The following PCYT1A variants were observed in gnomAD, a reference collection of about 807,000 sequenced individuals.
PCYT1A encodes choline-phosphate cytidylyltransferase A.
In PCYT1A, 25 loss-of-function variants were observed where a neutral mutation model predicts 43.7. The ratio of observed to expected loss-of-function variants is 0.57; its 90% CI spans 0.42 to 0.80. The LOEUF (loss-of-function observed/expected upper bound fraction) is 0.80. Ranked by LOEUF, PCYT1A falls within the 30% of genes least tolerant of loss-of-function variation. The pLI is 0.00. For synonymous variants in PCYT1A, 172 were observed against 170.7 expected, an observed-to-expected ratio of 1.01 and a Z score of -0.06; for missense variants, 421 against 474.2, an observed-to-expected ratio of 0.89 and a Z score of 1.04.
chr3:196,268,831 T>C lies in PCYT1A; in HGVS notation c.117+1584A>G, dbSNP rs1388013672. ...TAAAAATAAATAAAAATAAAAATAGTAAAGAGGCTTTGCAGATATGATTAA... is the reference window on the plus strand; with the variant it reads ...TAAAAATAAATAAAAATAAAAATAGCAAAGAGGCTTTGCAGATATGATTAA... On this transcript the variant is annotated intron_variant, in intron 2 of 8. Coordinates refer to ENST00000431016, the MANE Select transcript of PCYT1A (RefSeq NM_001312673.2). This position sits in a 1 kb window ranked among gnomAD's most constrained non-coding sequence, Gnocchi z 4.4. Among the ~76,000 whole-genome samples, 1 of 152,068 alleles carries C rather than the reference T, an allele frequency of 6.6e-6. No homozygotes were observed. Among genetic ancestry groups the C allele is most frequent in the Non-Finnish European group, 1.5e-5 (1 of 68,004 alleles).
At chr3:196,265,283 G>A (rs1189979572) in intron 2 of PCYT1A, among the ~76,000 whole-genome samples, 45 of 151,906 alleles carry the variant, frequency 3.0e-4, no homozygotes, top group African/African-American at 1.0e-3. Flanking sequence ...GGCCAGGCTG[G>A]TCTCAAACTC....
At chr3:196,251,041 C>T (rs1032150410) in intron 3 of PCYT1A, among the ~76,000 whole-genome samples, 3 of 143,152 alleles carry the variant, frequency 2.1e-5, no homozygotes, top group Admixed American at 1.4e-4. Context: ...CCAGATACAC[C>T]ATGCTGAGGC....
At chr3:196,270,263 T>A in intron 2 of PCYT1A, 152 bp downstream of exon 2, 1 of 692,842 alleles carries the variant, frequency 1.4e-6, no homozygotes, top group East Asian at 2.5e-5. Context: ...GAGCTGTGAG[T>A]CATAATCCAG....
intron 3 of PCYT1A, among the ~76,000 whole-genome samples, chr3:196,249,313 A>ATT (rs10668425): frequency 0.23 from 29,232 of 125,674 alleles, 4,715 homozygotes; most frequent in East Asian, 0.76. Context: ...TGCCCAGCTA[A>ATT]TTTTTTTTTT....
rs1725512755 is a variant in PCYT1A at position 196,273,890 on chromosome 3, AG to A, written c.-10-3350del. 6.6e-6 allele frequency among the ~76,000 whole-genome samples: 1 copy of A among 152,202 alleles called. No homozygotes were observed. The highest frequency in any genetic ancestry group is 1.5e-5 in the Non-Finnish European group (1 of 68,032). On this transcript the variant is annotated intron_variant, in intron 1 of 8. Transcript: ENST00000431016. This position sits in a 1 kb window ranked among gnomAD's most constrained non-coding sequence, Gnocchi z 4.1. The stretch of plus-strand genomic sequence containing the variant: ...ACCAGGGACCCGCCCATTTCCGCCT[AG>A]GAGCCTGTCTGCCTCCTGCTGTCAT...
rs1423397754 is a variant in PCYT1A, at chr3:196,236,621, T to G, written c.*2067A>C. 6.6e-6 allele frequency: 1 copy of G among 151,728 alleles called. No individual in the cohort carries two copies. Among genetic ancestry groups the G allele is most frequent in the Non-Finnish European group, 1.5e-5 (1 of 67,904 alleles). 9.4% of individuals were successfully genotyped at this position (151,728 alleles called of 1,614,324 possible). On this transcript the variant is annotated 3_prime_UTR_variant, in exon 9 of 9. Transcript: ENST00000431016. ...CTCTTTCTGGGTGATCCAAGTTTTG[T>G]TTTTTTTCTAGTTGATTATTTCTCT... is the stretch of plus-strand genomic sequence containing the variant.
chr3:196,244,962 G>A (rs1263225804), intron 5 of PCYT1A, among the ~76,000 whole-genome samples: 3 of 152,134 alleles, frequency 2.0e-5, no homozygotes, highest in Non-Finnish European at 2.9e-5. Context: ...GCAGAAGGCC[G>A]CAGGGCCCTC....
At chr3:196,280,570 G>GTTTTTTTTTTT in intron 1 of PCYT1A, among the ~76,000 whole-genome samples, 188 of 91,284 alleles carry the variant, frequency 2.1e-3, no homozygotes, top group Non-Finnish European at 2.4e-3. Flanking sequence ...TATTTTTATT[G>GTTTTTTTTTTT]TTTTTTTTTT....
At chr3:196,259,598 C>G (rs555632150) in intron 2 of PCYT1A, among the ~76,000 whole-genome samples, 30 of 152,052 alleles carry the variant, frequency 2.0e-4, no homozygotes, top group Admixed American at 5.9e-4. Flanking sequence ...AATCCCAGCA[C>G]TTTGGGAGGC....
chr3:196,265,422 C>T (rs1398473471), intron 2 of PCYT1A, among the ~76,000 whole-genome samples: 1 of 152,060 alleles, frequency 6.6e-6, no homozygotes, highest in Admixed American at 6.6e-5. Context: ...TTTTGTGATC[C>T]TTTTGATTGA....
In PCYT1A at chr3:196,277,757, G is replaced by A. The variant is rs971728401; in HGVS notation, c.-10-7216C>T. On this transcript the variant is annotated intron_variant, in intron 1 of 8. Coordinates refer to ENST00000431016, the MANE Select transcript of PCYT1A (RefSeq NM_001312673.2). The surrounding 1 kb of genome is among the most constrained non-coding windows in gnomAD (Gnocchi z 4.1). ...GTGGTGGCATGCACCTGTAATCCCA[G>A]CTACTTGGGAGGCTAAGGCAGGAGG... 6.6e-6 allele frequency among the ~76,000 whole-genome samples: 1 copy of A among 152,216 alleles called. No homozygotes were observed. Among genetic ancestry groups the A allele is most frequent in the Non-Finnish European group, 1.5e-5 (1 of 68,046 alleles).
intron 3 of PCYT1A, among the ~76,000 whole-genome samples, chr3:196,256,235 C>T (rs56297497): frequency 0.12 from 17,645 of 152,062 alleles, 1,133 homozygotes; most frequent in South Asian, 0.19. Flanking sequence ...CTCACGCCTG[C>T]AATCCCAGCA....
intron 7 of PCYT1A, 22 bp downstream of exon 7, chr3:196,241,926 C>T: frequency 2.5e-6 from 4 of 1,614,008 alleles, no homozygotes; most frequent in Non-Finnish European, 3.4e-6. Context: ...TCAGGGAACT[C>T]TGGGGTAAGG....
chr3:196,270,866 G>C (rs752385938), intron 1 of PCYT1A, among the ~76,000 whole-genome samples: 2 of 152,170 alleles, frequency 1.3e-5, no homozygotes, highest in African/African-American at 2.4e-5. Context: ...GAATAATTTG[G>C]CTGAGAAAGA....
rs539400776 is a variant in PCYT1A at position 196,238,451 on chromosome 3, G to C, written c.*237C>G. 1.8e-4 allele frequency: 64 copies of C among 364,266 alleles called. No individual in the cohort carries two copies. The highest frequency in any genetic ancestry group is 1.4e-3 in the Middle Eastern group (2 of 1,424). 22.6% of individuals were successfully genotyped at this position (364,266 alleles called of 1,614,324 possible). A position where few individuals can be genotyped will look rare whatever the true frequency, so the allele number is the denominator to read the frequency against. ...ACAGTGAAACAAAGCCCTTGGGGGG[G>C]GGTAAATGGATGCAGAGCAGGCTTC... On this transcript the variant is annotated 3_prime_UTR_variant, in exon 9 of 9. Coordinates refer to ENST00000431016, the MANE Select transcript of PCYT1A (RefSeq NM_001312673.2).
At chr3:196,259,962 G>T (rs1206524080) in intron 2 of PCYT1A, among the ~76,000 whole-genome samples, 2 of 102,426 alleles carry the variant, frequency 2.0e-5, no homozygotes, top group African/African-American at 7.7e-5. Context: ...TTGCTCTGTC[G>T]CCCAGGCTGG....
chr3:196,245,095 C>CACAAATAAATAA (rs1553829672), intron 5 of PCYT1A, among the ~76,000 whole-genome samples: 8 of 147,824 alleles, frequency 5.4e-5, no homozygotes, highest in Non-Finnish European at 1.2e-4. Flanking sequence ...AATAAAAATA[C>CACAAATAAATAA]ATAAATAAAT....
intron 1 of PCYT1A, among the ~76,000 whole-genome samples, chr3:196,279,488 G>A (rs66780758): frequency 0.36 from 55,307 of 151,818 alleles, 10,812 homozygotes; most frequent in East Asian, 0.82. Flanking sequence ...AAGTGCCCTC[G>A]AAATACAGAA....
intron 3 of PCYT1A, among the ~76,000 whole-genome samples, chr3:196,250,203 CA>C (rs1724707534): frequency 7.1e-6 from 1 of 141,024 alleles, no homozygotes; most frequent in Non-Finnish European, 1.6e-5. Context: ...CATGCCGAGG[CA>C]GAGGACCAGG....
Sources: allele counts gnomAD v4.1 joint callset (sites outside exome capture counted in the v4.1 genomes callset), GRCh38; gene constraint gnomAD v4.1.1; non-coding constraint Gnocchi (gnomAD v3.1); transcripts MANE v1.5; gene names NCBI Gene and HGNC (gene_info 2026-07-23, HGNC 2026-07-21).